Variants in COPS2 observed in about 807,000 individuals in gnomAD.
COPS2 encodes COP9 signalosome subunit 2, also known as COP9 signalosome complex subunit 2.
In COPS2, 10 loss-of-function variants were observed where a neutral mutation model predicts 66.1. That is an observed-to-expected ratio of 0.15 (90% CI 0.09 to 0.26). COPS2 has a LOEUF of 0.26. Ranked by LOEUF, COPS2 falls within the 10% of genes least tolerant of loss-of-function variation. The pLI is 1.00. For missense variants in COPS2, 215 were observed against 513.3 expected (o/e 0.42, Z 5.62); for synonymous variants, 179 against 171.3 (o/e 1.04, Z -0.35).
chr15:49,128,151 G>A (rs2084182659), intron 12 of COPS2, 57 bp from the exon 13 acceptor site: 3 of 1,536,288 alleles, frequency 2.0e-6, no homozygotes, highest in African/African-American at 1.4e-5. Context: ...CACAGTTTCT[G>A]GATTAATGTT....
chr15:49,149,105 A>G (rs2084340942), intron 1 of COPS2, among the ~76,000 whole-genome samples: 1 of 152,224 alleles, frequency 6.6e-6, no homozygotes, highest in Non-Finnish European at 1.5e-5. Context: ...CACTTGTTTT[A>G]CAAGAACAGT....
At position 49,134,074 on chromosome 15, in the gene COPS2, T is replaced by C. The variant is rs753709691; in HGVS notation, c.750A>G (p.Glu250=). 6.2e-7 allele frequency: 1 copy of C among 1,612,980 alleles called. No individual in the cohort carries two copies. Among genetic ancestry groups the C allele is most frequent in the Non-Finnish European group, 8.5e-7 (1 of 1,179,686 alleles). ...AAAAATCAGTGTGTGCCTTTTCAAA[T>C]TCACCTTCCCTCAAGTGCATTTTAC... ...CGGKMHLREG[E]FEKAHTDFFE... Residue 250 remains glutamate (E), a synonymous_variant, in exon 8 of 13, where the codon GAA becomes GAG. Transcript: ENST00000388901.
At chr15:49,144,726 GTTC>G (rs2084310060) in intron 2 of COPS2, among the ~76,000 whole-genome samples, 2 of 152,134 alleles carry the variant, frequency 1.3e-5, no homozygotes, top group Non-Finnish European at 2.9e-5. Context: ...CATGTTGGTG[GTTC>G]TTCTGCCAGA....
chr15:49,123,181 G>A lies in COPS2; in HGVS notation c.*4769C>T, dbSNP rs1233528397. On this transcript the variant is annotated 3_prime_UTR_variant, in exon 13 of 13. Transcript: ENST00000388901. ...ACAGAAATTAGATACTCAACACTTG[G>A]CATTAATATGTTGCTAATAAGCATG... The A allele has an allele frequency of 6.6e-6, 1 of 152,122 alleles. No individual in the cohort carries two copies. The highest frequency in any genetic ancestry group is 1.5e-5 in the Non-Finnish European group (1 of 68,014). 9.4% of individuals were successfully genotyped at this position (152,122 alleles called of 1,614,324 possible). A position where few individuals can be genotyped will look rare whatever the true frequency, so the allele number is the denominator to read the frequency against.
chr15:49,151,539 T>C (rs912324395), intron 1 of COPS2, among the ~76,000 whole-genome samples: 2 of 152,320 alleles, frequency 1.3e-5, no homozygotes, highest in African/African-American at 2.4e-5. Context: ...GGTAGAACGA[T>C]TGGACTGCGG....
rs2141118557 is a variant in COPS2, at chr15:49,122,869, C to G, written c.*5081G>C. 2 of 152,284 alleles carry G rather than the reference C, an allele frequency of 1.3e-5. 1 individual carries two copies. Among genetic ancestry groups the G allele is most frequent in the South Asian group, 4.1e-4 (2 of 4,832 alleles). The allele number at this position is 152,284 out of a possible 1,614,324, so 9.4% of individuals were successfully genotyped here. ...TCAATTATTAATTGGTGGAACTGAC[C>G]ATTTCAGGCAGACATCCTGTTACAT... On this transcript the variant is annotated 3_prime_UTR_variant, in exon 13 of 13. Coordinates refer to ENST00000388901, the MANE Select transcript of COPS2 (RefSeq NM_004236.4).
chr15:49,125,207 C>A lies in COPS2; in HGVS notation c.*2743G>T, dbSNP rs2084155890. Reference sequence around the variant, plus strand: ...TGTATCAGCCTGTAGTTAGAAGGGACTCATGTAATGAGAGCATTACTTAGT... The same window carrying A: ...TGTATCAGCCTGTAGTTAGAAGGGAATCATGTAATGAGAGCATTACTTAGT... On this transcript the variant is annotated 3_prime_UTR_variant, in exon 13 of 13. Transcript: ENST00000388901. The A allele has an allele frequency of 6.6e-6, 1 of 152,060 alleles. No homozygotes were observed. The highest frequency in any genetic ancestry group is 1.5e-5 in the Non-Finnish European group (1 of 67,962). 9.4% of individuals were successfully genotyped at this position (152,060 alleles called of 1,614,324 possible). A position where few individuals can be genotyped will look rare whatever the true frequency, so the allele number is the denominator to read the frequency against.
At chr15:49,152,265 C>A (rs1419525465) in intron 1 of COPS2, among the ~76,000 whole-genome samples, 1 of 150,082 alleles carries the variant, frequency 6.7e-6, no homozygotes, top group Admixed American at 6.6e-5. Flanking sequence ...TGGTAACCTG[C>A]TTCATTAATC....
chr15:49,130,292 G>T (rs2084198525), intron 10 of COPS2, among the ~76,000 whole-genome samples: 1 of 152,018 alleles, frequency 6.6e-6, no homozygotes. Context: ...TTCACTTACT[G>T]GTATGAAACC....
At chr15:49,145,733 C>G (rs1421886037) in intron 1 of COPS2, among the ~76,000 whole-genome samples, 1 of 151,690 alleles carries the variant, frequency 6.6e-6, no homozygotes, top group Admixed American at 6.6e-5. Flanking sequence ...GAGTTCAATT[C>G]TTAGTGGAAA....
chr15:49,155,509 A>G lies in COPS2; in HGVS notation c.54+16T>C. ...GACACATCACCACCCTCAGAGTTCC[A>G]TTCCCTGCGCCTCACCAGGTCGTAG... On this transcript the variant is annotated intron_variant, in intron 1 of 12. Coordinates refer to ENST00000388901, the MANE Select transcript of COPS2 (RefSeq NM_004236.4). 1 of 1,613,892 alleles carries G rather than the reference A, an allele frequency of 6.2e-7. No individual in the cohort carries two copies. The highest frequency in any genetic ancestry group is 8.5e-7 in the Non-Finnish European group (1 of 1,179,760).
chr15:49,150,122 T>C (rs1285647593), intron 1 of COPS2, among the ~76,000 whole-genome samples: 1 of 151,486 alleles, frequency 6.6e-6, no homozygotes, highest in Non-Finnish European at 1.5e-5. Flanking sequence ...ACCCTGTCTC[T>C]ACTAAAATAC....
chr15:49,147,763 A>G (rs576876125), intron 1 of COPS2, among the ~76,000 whole-genome samples: 116 of 151,738 alleles, frequency 7.6e-4, no homozygotes, highest in African/African-American at 2.7e-3. Context: ...AATGACTGAG[A>G]AAAGATTTGA....
chr15:49,139,867 G>C (rs490621), intron 3 of COPS2, among the ~76,000 whole-genome samples: 50,452 of 152,096 alleles, frequency 0.33, 9,069 homozygotes, highest in East Asian at 0.58. Flanking sequence ...TATAAAGTTA[G>C]CTTATGAAAC....
intron 1 of COPS2, among the ~76,000 whole-genome samples, chr15:49,154,491 C>A (rs2084395059): frequency 6.6e-6 from 1 of 152,012 alleles, no homozygotes; most frequent in Non-Finnish European, 1.5e-5. Flanking sequence ...TAATTCAAAA[C>A]AATGTATTAA....
rs1481960129 is a variant in COPS2, at chr15:49,125,086, TAA to T, written c.*2862_*2863del. On this transcript the variant is annotated 3_prime_UTR_variant, in exon 13 of 13. Transcript: ENST00000388901. Reference sequence around the variant, plus strand: ...AGAGTTTTTCAGTCTAAGACAAACCTAAGTCTTACATAAGGTAACAAACACTA... The same window carrying T: ...AGAGTTTTTCAGTCTAAGACAAACCTGTCTTACATAAGGTAACAAACACTA... 1 of 152,166 alleles carries T rather than the reference TAA, an allele frequency of 6.6e-6. No homozygotes were observed. The highest frequency in any genetic ancestry group is 1.5e-5 in the Non-Finnish European group (1 of 67,990). 9.4% of individuals were successfully genotyped at this position (152,166 alleles called of 1,614,324 possible). A position where few individuals can be genotyped will look rare whatever the true frequency, so the allele number is the denominator to read the frequency against.
chr15:49,130,638 A>G (rs1289031224), intron 10 of COPS2, 81 bp downstream of exon 10: 1 of 777,992 alleles, frequency 1.3e-6, no homozygotes, highest in Non-Finnish European at 2.2e-6. Context: ...AAACAGCTTA[A>G]TGCCATGCAG....
intron 1 of COPS2, among the ~76,000 whole-genome samples, chr15:49,149,835 T>C (rs890688862): frequency 6.6e-6 from 1 of 152,214 alleles, no homozygotes; most frequent in African/African-American, 2.4e-5. Context: ...AAGAGGTACA[T>C]GGCAGTTGTT....
At chr15:49,146,139 A>G (rs2084319684) in intron 1 of COPS2, among the ~76,000 whole-genome samples, 1 of 152,160 alleles carries the variant, frequency 6.6e-6, no homozygotes, top group Non-Finnish European at 1.5e-5. Flanking sequence ...TGAAAGCTCA[A>G]AAATACATTA....
Sources: allele counts gnomAD v4.1 joint callset (sites outside exome capture counted in the v4.1 genomes callset), GRCh38; gene constraint gnomAD v4.1.1; transcripts MANE v1.5; gene names NCBI Gene and HGNC (gene_info 2026-07-23, HGNC 2026-07-21).